Variants in SLC28A1 observed in about 807,000 individuals in gnomAD.
SLC28A1 encodes the protein sodium/nucleoside cotransporter 1.
Under a neutral mutation model 74.8 loss-of-function variants are expected in SLC28A1, and 64 were observed. The observed-to-expected ratio is 0.86, with a 90% CI of 0.70 to 1.05. SLC28A1 has a LOEUF of 1.05. Ranked by LOEUF, SLC28A1 falls within the 50% of genes least tolerant of loss-of-function variation. The pLI, the probability that SLC28A1 is intolerant of heterozygous loss-of-function variation, is 0.00. For synonymous variants in SLC28A1, 359 were observed against 335.0 expected (o/e 1.07, Z -0.78); for missense variants, 828 against 822.8 (o/e 1.01, Z -0.08).
the SLC28A1 span, among the ~76,000 whole-genome samples, chr15:84,954,718 G>A: frequency 1.3e-5 from 2 of 152,174 alleles, no homozygotes; most frequent in Non-Finnish European, 2.9e-5. Flanking sequence ...TCATTGATCT[G>A]CCTAGTAAAC....
chr15:84,886,079 G>A (rs748201453), intron 1 of SLC28A1: 28 of 930,288 alleles, frequency 3.0e-5, no homozygotes, highest in African/African-American at 3.5e-5. Context: ...TGTTTAGTGT[G>A]AGGACTGGAA....
chr15:84,973,954 C>T, the SLC28A1 span, among the ~76,000 whole-genome samples: 2 of 152,184 alleles, frequency 1.3e-5, no homozygotes, highest in African/African-American at 4.8e-5. Context: ...CTTGGGGACG[C>T]TCACACAGGA....
intron 8 of SLC28A1, among the ~76,000 whole-genome samples, chr15:84,906,504 G>GTTTCTTTC (rs1567139474): frequency 9.4e-5 from 1 of 10,628 alleles, no homozygotes; most frequent in Admixed American, 1.6e-3. Context: ...AACATGGTTT[G>GTTTCTTTC]TTTGTTTGTT....
intron 9 of SLC28A1, among the ~76,000 whole-genome samples, chr15:84,912,806 G>GTGCA (rs1555449154): frequency 1.1e-4 from 12 of 112,294 alleles, no homozygotes; most frequent in African/African-American, 4.0e-4. Flanking sequence ...TTGCGCGCGC[G>GTGCA]CACACACACA....
chr15:84,908,198 T>TC lies in SLC28A1; in HGVS notation c.718-520_718-519insC, dbSNP rs1967543295. On this transcript the variant is annotated intron_variant, in intron 8 of 18. Coordinates refer to ENST00000394573, the MANE Select transcript of SLC28A1 (RefSeq NM_004213.5). The stretch of plus-strand genomic sequence containing the variant: ...CATTTCTTTTTTTTTTTTTTTTTTT[T>TC]TTTGAGACAGAGTCTCGCTCTGTTG... 1.2e-4 allele frequency among the ~76,000 whole-genome samples: 16 copies of TC among 129,904 alleles called. No individual in the cohort carries two copies. In the South Asian group the frequency reaches 3.6e-3, roughly 29 times the overall value. The allele number at this position is 129,904 out of a possible 152,430, so 85.2% of individuals were successfully genotyped here.
chr15:84,944,108 C>T (rs796797044), intron 16 of SLC28A1, among the ~76,000 whole-genome samples: 1 of 152,166 alleles, frequency 6.6e-6, no homozygotes, highest in African/African-American at 2.4e-5. Context: ...GACAGGCAGG[C>T]AGGCCTGGTG....
intron 7 of SLC28A1, 57 bp downstream of exon 7, chr15:84,904,295 T>G: frequency 6.2e-7 from 1 of 1,609,126 alleles, no homozygotes; most frequent in South Asian, 1.1e-5. Flanking sequence ...CTTCTGCCCC[T>G]AGGCTGGATC....
intron 6 of SLC28A1, among the ~76,000 whole-genome samples, chr15:84,896,248 T>C (rs1235837317): frequency 2.6e-5 from 4 of 152,214 alleles, no homozygotes; most frequent in Admixed American, 2.0e-4. Context: ...ATAAAGAAAC[T>C]GTATGCAGAA....
At chr15:84,971,021 G>A in the SLC28A1 span, among the ~76,000 whole-genome samples, 1 of 152,186 alleles carries the variant, frequency 6.6e-6, no homozygotes, top group Admixed American at 6.5e-5. Context: ...CTGGCCGGCT[G>A]CAGGTTCAAA....
chr15:84,946,084 T>TTGTA (rs1567196223), downstream of SLC28A1, among the ~76,000 whole-genome samples: 3 of 27,526 alleles, frequency 1.1e-4, no homozygotes, highest in African/African-American at 4.7e-4. Flanking sequence ...GTGTGTATGT[T>TTGTA]CATATATATA....
chr15:84,950,163 C>A (rs1361607936), downstream of SLC28A1, among the ~76,000 whole-genome samples: 3 of 152,124 alleles, frequency 2.0e-5, no homozygotes, highest in East Asian at 1.9e-4. Context: ...TTGGATTGAA[C>A]CCTGTCTCTG....
chr15:84,937,850 T>C (rs992414378), intron 15 of SLC28A1, among the ~76,000 whole-genome samples: 2 of 151,690 alleles, frequency 1.3e-5, no homozygotes, highest in Non-Finnish European at 2.9e-5. Context: ...TGAGACAAGA[T>C]TGTGCCACTG....
At chr15:84,956,022 G>C in the SLC28A1 span, among the ~76,000 whole-genome samples, 1 of 152,114 alleles carries the variant, frequency 6.6e-6, no homozygotes, top group Non-Finnish European at 1.5e-5. Flanking sequence ...TGGTACCATA[G>C]TTATATCAGC....
chr15:84,920,924 C>G (rs1371955170), intron 10 of SLC28A1, 65 bp from the exon 11 acceptor site: 2 of 1,286,772 alleles, frequency 1.6e-6, no homozygotes, highest in Non-Finnish European at 2.3e-6. Context: ...GTCTTCCACT[C>G]CAGCCCCCTC....
the SLC28A1 span, among the ~76,000 whole-genome samples, chr15:84,958,297 G>A: frequency 0.43 from 65,956 of 152,012 alleles, 16,210 homozygotes; most frequent in South Asian, 0.66. Context: ...CTTCAGGCCT[G>A]CTGCTGCTCA....
At chr15:84,889,736 CCT>C (rs2141639114) in intron 4 of SLC28A1, among the ~76,000 whole-genome samples, 2 of 81,694 alleles carry the variant, frequency 2.4e-5, no homozygotes, top group South Asian at 8.6e-4. Context: ...TTCCTTCCTT[CCT>C]TCCTTCCTTC....
chr15:84,944,260 C>G (rs1256712493), intron 16 of SLC28A1, among the ~76,000 whole-genome samples: 1 of 152,230 alleles, frequency 6.6e-6, no homozygotes, highest in Non-Finnish European at 1.5e-5. Context: ...AGTGGTGGCC[C>G]AAGTCACTCA....
At chr15:84,900,301 G>A (rs935508009) in intron 6 of SLC28A1, among the ~76,000 whole-genome samples, 1 of 151,012 alleles carries the variant, frequency 6.6e-6, no homozygotes, top group Non-Finnish European at 1.5e-5. Flanking sequence ...CTGCACTCCA[G>A]CCTGGGAGAC....
At chr15:84,947,640 A>G (rs1253165130), downstream of SLC28A1, among the ~76,000 whole-genome samples, 1 of 152,194 alleles carries the variant, frequency 6.6e-6, no homozygotes, top group East Asian at 1.9e-4. Context: ...GCCTGGTGAG[A>G]GCCAGTTTCT....
Sources: gnomAD v4.1 joint callset for allele counts (sites outside exome capture counted in the v4.1 genomes callset) on GRCh38, gnomAD v4.1.1 for gene constraint, MANE v1.5 for transcripts, NCBI Gene and HGNC (gene_info 2026-07-23, HGNC 2026-07-21) for gene names.